KIRREL3: variants seen among roughly 807,000 people sequenced by gnomAD.
The protein encoded by KIRREL3 is kirre like nephrin family adhesion molecule 3, also known as kin of IRRE-like protein 3.
In KIRREL3, 36 loss-of-function variants were observed where a neutral mutation model predicts 89.7. That is an observed-to-expected ratio of 0.40 (90% confidence interval 0.31 to 0.53). The LOEUF (loss-of-function observed/expected upper bound fraction) is 0.53. Ranked by LOEUF, KIRREL3 falls within the 20% of genes least tolerant of loss-of-function variation. The pLI is 0.49. For missense variants in KIRREL3, 864 were observed against 1,056.6 expected, an observed-to-expected ratio of 0.82 and a Z score of 2.53; for synonymous variants, 445 against 441.4, an observed-to-expected ratio of 1.01 and a Z score of -0.10.
intron 5 of KIRREL3, among the ~76,000 whole-genome samples, chr11:126,468,087 A>T (rs1031114993): frequency 1.8e-4 from 27 of 152,208 alleles, no homozygotes; most frequent in African/African-American, 6.5e-4. Context: ...GCGTGCTAAG[A>T]CCTTGCAACC....
chr11:126,950,061 A>T (rs775118509), intron 1 of KIRREL3, among the ~76,000 whole-genome samples: 10 of 152,196 alleles, frequency 6.6e-5, no homozygotes, highest in Admixed American at 1.3e-4. Context: ...TAAGCATTAG[A>T]TCACTTTCCA....
chr11:126,588,528 A>G (rs1565574578), intron 1 of KIRREL3, among the ~76,000 whole-genome samples: 4 of 152,006 alleles, frequency 2.6e-5, no homozygotes, highest in African/African-American at 9.7e-5. Flanking sequence ...CAGGGAGGGG[A>G]AGGAGAGGAG....
intron 2 of KIRREL3, among the ~76,000 whole-genome samples, chr11:126,532,040 G>T (rs1280877545): frequency 6.6e-6 from 1 of 152,228 alleles, no homozygotes; most frequent in Non-Finnish European, 1.5e-5. Flanking sequence ...TAGGAATCAG[G>T]CTTGACAGGA....
intron 1 of KIRREL3, among the ~76,000 whole-genome samples, chr11:126,733,436 G>C (rs1948698844): frequency 6.6e-6 from 1 of 152,200 alleles, no homozygotes; most frequent in African/African-American, 2.4e-5. Flanking sequence ...CAATGCGCTG[G>C]GGAGATGAAA....
intron 1 of KIRREL3, among the ~76,000 whole-genome samples, chr11:126,733,849 T>G (rs1948713953): frequency 6.6e-6 from 1 of 152,234 alleles, no homozygotes; most frequent in African/African-American, 2.4e-5. Flanking sequence ...AGATGTGTCA[T>G]GCCTATGGAT....
chr11:126,456,543 C>T (rs1268317442), intron 6 of KIRREL3, 89 bp from the exon 7 acceptor site: 6 of 878,256 alleles, frequency 6.8e-6, no homozygotes, highest in South Asian at 1.6e-5. Flanking sequence ...CCAGAGACTC[C>T]ACCACCCAGG....
intron 1 of KIRREL3, among the ~76,000 whole-genome samples, chr11:126,960,304 C>T (rs1949046670): frequency 6.6e-6 from 1 of 152,108 alleles, no homozygotes; most frequent in East Asian, 1.9e-4. Context: ...AACTACCTAC[C>T]ATGGGATAGG....
At position 126,685,232 on chromosome 11, in the gene KIRREL3, C is replaced by T. The variant is rs570522929; in HGVS notation, c.56-122320G>A. 6.6e-6 allele frequency among the ~76,000 whole-genome samples: 1 copy of T among 152,268 alleles called. No homozygotes were observed. The highest frequency in any genetic ancestry group is 2.4e-5 in the African/African-American group (1 of 41,556). ...TAGCCCCAGCTCTGCTCTGGGGAGTCAGGGGCAGGGCGGCAGATGCTTGGG... is the reference window on the plus strand; with the variant it reads ...TAGCCCCAGCTCTGCTCTGGGGAGTTAGGGGCAGGGCGGCAGATGCTTGGG... On this transcript the variant is annotated intron_variant, in intron 1 of 16. Transcript: ENST00000525144. This position sits in a 1 kb window ranked among gnomAD's most constrained non-coding sequence, Gnocchi z 5.5.
chr11:126,736,482 G>A lies in KIRREL3; in HGVS notation c.56-173570C>T, dbSNP rs1948803236. ...AAACAGAGAACTGGAGAGCTGGAAG[G>A]ACCCTCAGAGATCATCTGGGCCGGT... On this transcript the variant is annotated intron_variant, in intron 1 of 16. Transcript: ENST00000525144. This position sits in a 1 kb window ranked among gnomAD's most constrained non-coding sequence, Gnocchi z 5.0. 6.6e-6 allele frequency among the ~76,000 whole-genome samples: 1 copy of A among 152,156 alleles called. No individual in the cohort carries two copies. The highest frequency in any genetic ancestry group is 1.5e-5 in the Non-Finnish European group (1 of 68,032).
At position 126,615,703 on chromosome 11, in the gene KIRREL3, T is replaced by G. The variant is rs112092447; in HGVS notation, c.56-52791A>C. On this transcript the variant is annotated intron_variant, in intron 1 of 16. Transcript: ENST00000525144. This position sits in a 1 kb window ranked among gnomAD's most constrained non-coding sequence, Gnocchi z 5.4. ...TTAGAGTCTGAGGTCACCCAGTTAC[T>G]GCTCTATCAGCCACCTACCCCACAT... Among the ~76,000 whole-genome samples the G allele has an allele frequency of 1.4e-4, 22 of 152,330 alleles. No homozygotes were observed. Among genetic ancestry groups the G allele is most frequent in the African/African-American group, 5.3e-4 (22 of 41,580 alleles).
rs1946199399 is a variant in KIRREL3 at position 126,676,586 on chromosome 11, T to C, written c.56-113674A>G. ...CCTCCCATAGCAGTCTGTGAATACG[T>C]ATTCTGAGGGGTCTTTGAGTTCTCA... On this transcript the variant is annotated intron_variant, in intron 1 of 16. Coordinates refer to ENST00000525144, the MANE Select transcript of KIRREL3 (RefSeq NM_032531.4). The surrounding 1 kb of genome is among the most constrained non-coding windows in gnomAD (Gnocchi z 4.5). Among the ~76,000 whole-genome samples the C allele has an allele frequency of 6.6e-6, 1 of 152,094 alleles. No homozygotes were observed. The highest frequency in any genetic ancestry group is 1.5e-5 in the Non-Finnish European group (1 of 68,018).
At chr11:126,857,083 C>T (rs1188809457) in intron 1 of KIRREL3, among the ~76,000 whole-genome samples, 1 of 152,206 alleles carries the variant, frequency 6.6e-6, no homozygotes, top group African/African-American at 2.4e-5. Flanking sequence ...GCATTTGAGG[C>T]CACATTTTAT....
Position 126,923,209 on chromosome 11 carries a change from T to TCTC in KIRREL3, c.55+77245_55+77246insGAG, listed in dbSNP as rs1565423517. Among the ~76,000 whole-genome samples the TCTC allele has an allele frequency of 9.5e-4, 11 of 11,608 alleles. 2 individuals are homozygous for TCTC. The highest frequency in any genetic ancestry group is 1.6e-3 in the Non-Finnish European group (10 of 6,306). 7.6% of individuals were successfully genotyped at this position (11,608 alleles called of 152,430 possible). On this transcript the variant is annotated intron_variant, in intron 1 of 16. Coordinates refer to ENST00000525144, the MANE Select transcript of KIRREL3 (RefSeq NM_032531.4). ...CTTCTCTTCTTCTTCTTCTTCTTCT[T>TCTC]CTTCTTCTTCTTCTTCTTCTTCTTC... is the stretch of plus-strand genomic sequence containing the variant.
chr11:126,489,516 A>T lies in KIRREL3; in HGVS notation c.434-16050T>A, dbSNP rs984587123. On this transcript the variant is annotated intron_variant, in intron 4 of 16. Coordinates refer to ENST00000525144, the MANE Select transcript of KIRREL3 (RefSeq NM_032531.4). The surrounding 1 kb of genome is among the most constrained non-coding windows in gnomAD (Gnocchi z 5.5). ...TTCCTGATGGCCCTATTGTTACTCC[A>T]TCTTGGATTCCTGGGTCAATTTTGG... Among the ~76,000 whole-genome samples the T allele has an allele frequency of 1.3e-5, 2 of 152,180 alleles. No homozygotes were observed. Among genetic ancestry groups the T allele is most frequent in the African/African-American group, 2.4e-5 (1 of 41,436 alleles).
intron 1 of KIRREL3, among the ~76,000 whole-genome samples, chr11:126,613,851 C>T (rs1314092365): frequency 7.8e-6 from 1 of 128,964 alleles, no homozygotes; most frequent in Non-Finnish European, 1.6e-5. Flanking sequence ...GATTGCATTT[C>T]TGGAATGTTA....
chr11:126,600,036 A>G (rs1186070869), intron 1 of KIRREL3, among the ~76,000 whole-genome samples: 1 of 152,200 alleles, frequency 6.6e-6, no homozygotes, highest in African/African-American at 2.4e-5. Context: ...TTAAGTTATA[A>G]AAGACTAGTT....
At chr11:126,941,471 A>G (rs916222892) in intron 1 of KIRREL3, among the ~76,000 whole-genome samples, 1 of 152,202 alleles carries the variant, frequency 6.6e-6, no homozygotes, top group African/African-American at 2.4e-5. Flanking sequence ...AGTGGAGCTC[A>G]GGAATCTGCA....
intron 7 of KIRREL3, among the ~76,000 whole-genome samples, chr11:126,451,133 ATG>A (rs1459206687): frequency 1.2e-4 from 12 of 102,880 alleles, no homozygotes; most frequent in Non-Finnish European, 2.0e-4. Context: ...GTGCATGTGC[ATG>A]TGTGTGCATG....
chr11:126,886,376 C>T (rs1287297083), intron 1 of KIRREL3, among the ~76,000 whole-genome samples: 4 of 152,160 alleles, frequency 2.6e-5, no homozygotes, highest in Non-Finnish European at 4.4e-5. Flanking sequence ...TTTGTACTGC[C>T]TCAGCCCCAC....
Sources: gnomAD v4.1 joint callset for allele counts (sites outside exome capture counted in the v4.1 genomes callset) on GRCh38, gnomAD v4.1.1 for gene constraint, Gnocchi (gnomAD v3.1) non-coding constraint, MANE v1.5 for transcripts, NCBI Gene and HGNC (gene_info 2026-07-23, HGNC 2026-07-21) for gene names.